The following PDGFD variants were observed in gnomAD, a reference collection of about 807,000 sequenced individuals.
PDGFD encodes the protein platelet derived growth factor D.
PDGFD carries 30 observed loss-of-function variants against 44.7 expected under a neutral mutation model. That is an observed-to-expected ratio of 0.67 (90% CI 0.50 to 0.91). The LOEUF (loss-of-function observed/expected upper bound fraction) is 0.91, where lower values mean the gene tolerates loss of function less well. PDGFD is among the 40% of genes least tolerant of loss of function. PDGFD has a pLI of 0.00. For synonymous variants in PDGFD, 173 were observed against 168.4 expected (o/e 1.03, Z -0.21); for missense variants, 445 against 457.8 (o/e 0.97, Z 0.25).
intron 1 of PDGFD, among the ~76,000 whole-genome samples, chr11:104,050,636 G>A (rs1009701529): frequency 9.2e-5 from 14 of 152,090 alleles, no homozygotes; most frequent in Non-Finnish European, 1.3e-4. Context: ...TGCTCCACTC[G>A]GAAACACCCA....
intron 1 of PDGFD, among the ~76,000 whole-genome samples, chr11:104,020,047 T>G (rs926219116): frequency 6.6e-6 from 1 of 151,872 alleles, no homozygotes; most frequent in Non-Finnish European, 1.5e-5. Context: ...ACAGAAAAAA[T>G]AACACCAATG....
In PDGFD at chr11:104,114,950, G is replaced by T. The variant is rs149604991; in HGVS notation, c.124+48854C>A. Among the ~76,000 whole-genome samples, 1,018 of 150,732 alleles carry T rather than the reference G, an allele frequency of 6.8e-3. 9 individuals are homozygous for T. The highest frequency in any genetic ancestry group is 0.024 in the African/African-American group (968 of 41,068). On this transcript the variant is annotated intron_variant, in intron 1 of 6. Transcript: ENST00000393158. ...GGGAATAGGTGGTGTTTGGTTAAATGAGTAAGTTCTTTAGTGGTGATTTGT... is the reference window on the plus strand; with the variant it reads ...GGGAATAGGTGGTGTTTGGTTAAATTAGTAAGTTCTTTAGTGGTGATTTGT...
chr11:104,090,083 T>A (rs1366930494), intron 1 of PDGFD, among the ~76,000 whole-genome samples: 3 of 152,172 alleles, frequency 2.0e-5, no homozygotes, highest in Non-Finnish European at 4.4e-5. Context: ...TACAGTGACC[T>A]CTCTTCCTCA....
chr11:104,137,588 C>T (rs984985507), intron 1 of PDGFD, among the ~76,000 whole-genome samples: 6 of 152,170 alleles, frequency 3.9e-5, no homozygotes, highest in South Asian at 2.1e-4. Flanking sequence ...ATGTTACGGT[C>T]GAGTTGATAG....
At chr11:104,106,062 C>T (rs1378195711) in intron 1 of PDGFD, among the ~76,000 whole-genome samples, 2 of 152,050 alleles carry the variant, frequency 1.3e-5, no homozygotes, top group Non-Finnish European at 1.5e-5. Context: ...ATTAAACCAG[C>T]ACCACAGGGA....
chr11:103,909,756 C>T lies in PDGFD; in HGVS notation c.1051G>A (p.Asp351Asn). The change falls in exon 7 of 7, where the codon GAC becomes AAC. Residue 351 changes from aspartate (D) to asparagine (N), a missense_variant. Transcript: ENST00000393158. ...RGRAKTMALVDIQLDHHERCD... is the reference protein window; with the variant it reads ...RGRAKTMALVNIQLDHHERCD... ...CGTTCATGGTGATCCAACTGGATGTCAACTAGAGCCATGGTCTTAGCTCTA... is the reference window on the plus strand; with the variant it reads ...CGTTCATGGTGATCCAACTGGATGTTAACTAGAGCCATGGTCTTAGCTCTA... 6.2e-7 allele frequency: 1 copy of T among 1,613,988 alleles called. No homozygotes were observed. The highest frequency in any genetic ancestry group is 8.5e-7 in the Non-Finnish European group (1 of 1,179,870).
chr11:104,159,415 G>A (rs1246513327), intron 1 of PDGFD, among the ~76,000 whole-genome samples: 1 of 152,144 alleles, frequency 6.6e-6, no homozygotes, highest in Non-Finnish European at 1.5e-5. Context: ...ATAAAGGGAA[G>A]GATTTTATTA....
intron 3 of PDGFD, among the ~76,000 whole-genome samples, chr11:103,973,609 G>A (rs1859137345): frequency 1.3e-5 from 2 of 152,092 alleles, no homozygotes; most frequent in Admixed American, 1.3e-4. Flanking sequence ...TCTTTATTGA[G>A]GTTTAACTAT....
intron 1 of PDGFD, among the ~76,000 whole-genome samples, chr11:104,100,384 G>A (rs911414478): frequency 1.8e-4 from 28 of 152,114 alleles, no homozygotes; most frequent in African/African-American, 5.8e-4. Context: ...TAAATTACTC[G>A]ATACATACAC....
At chr11:103,947,597 T>G in intron 4 of PDGFD, 65 bp downstream of exon 4, 2 of 1,287,006 alleles carry the variant, frequency 1.6e-6, no homozygotes, top group Non-Finnish European at 2.3e-6. Context: ...GTGAAGTCCT[T>G]TTGGGGTTGA....
At chr11:104,161,864 A>C (rs1303625425) in intron 1 of PDGFD, among the ~76,000 whole-genome samples, 1 of 152,146 alleles carries the variant, frequency 6.6e-6, no homozygotes, top group Non-Finnish European at 1.5e-5. Flanking sequence ...TTTAATGTGT[A>C]ACTACGTTTT....
chr11:104,108,228 G>C (rs1332760629), intron 1 of PDGFD, among the ~76,000 whole-genome samples: 4 of 149,396 alleles, frequency 2.7e-5, no homozygotes, highest in Non-Finnish European at 4.4e-5. Flanking sequence ...AAACTAAAGA[G>C]CTTCTGCACT....
At chr11:103,925,993 T>A (rs879889722) in intron 6 of PDGFD, among the ~76,000 whole-genome samples, 17 of 152,098 alleles carry the variant, frequency 1.1e-4, no homozygotes, top group South Asian at 8.3e-4. Context: ...CCTCCCAAAG[T>A]GCTAGGATTA....
At chr11:103,910,556 T>G (rs1030822815) in intron 6 of PDGFD, among the ~76,000 whole-genome samples, 1 of 152,154 alleles carries the variant, frequency 6.6e-6, no homozygotes, top group Non-Finnish European at 1.5e-5. Context: ...GGAGGAATGG[T>G]GCACTCTAGT....
intron 1 of PDGFD, among the ~76,000 whole-genome samples, chr11:104,145,152 C>T (rs2119886956): frequency 6.6e-6 from 1 of 152,260 alleles, no homozygotes; most frequent in South Asian, 2.1e-4. Context: ...CCTACAAATA[C>T]ATAGCGAGCA....
At chr11:104,099,640 A>AATG (rs1418380555) in intron 1 of PDGFD, among the ~76,000 whole-genome samples, 1 of 27,550 alleles carries the variant, frequency 3.6e-5, no homozygotes, top group East Asian at 5.0e-4. Context: ...CAAAAACAAT[A>AATG]ATAATAATAA....
At chr11:104,037,383 A>G (rs969265900) in intron 1 of PDGFD, 1 of 1,613,948 alleles carries the variant, frequency 6.2e-7, no homozygotes, top group African/African-American at 1.3e-5. Context: ...TGGAGCAGCA[A>G]AGGGAAAAGG....
At position 104,146,007 on chromosome 11, in the gene PDGFD, C is replaced by T. The variant is rs528704809; in HGVS notation, c.124+17797G>A. Among the ~76,000 whole-genome samples, 6 of 152,280 alleles carry T rather than the reference C, an allele frequency of 3.9e-5. No individual in the cohort carries two copies. The East Asian group carries it at 5.8e-4, about 15-fold the overall frequency. Reference sequence around the variant, plus strand: ...ATTTGCCAACACCTTGAATTTGGACCTTCCAGCCTCCAGGACTATGAGAAA... The same window carrying T: ...ATTTGCCAACACCTTGAATTTGGACTTTCCAGCCTCCAGGACTATGAGAAA... On this transcript the variant is annotated intron_variant, in intron 1 of 6. Coordinates refer to ENST00000393158, the MANE Select transcript of PDGFD (RefSeq NM_025208.5).
chr11:103,970,227 T>A (rs891906755), intron 3 of PDGFD, among the ~76,000 whole-genome samples: 7 of 152,086 alleles, frequency 4.6e-5, no homozygotes, highest in African/African-American at 1.7e-4. Flanking sequence ...AAAAAAATTC[T>A]CTAAATATCA....
Sources: gnomAD v4.1 joint callset for allele counts (sites outside exome capture counted in the v4.1 genomes callset) on GRCh38, gnomAD v4.1.1 for gene constraint, MANE v1.5 for transcripts, NCBI Gene and HGNC (gene_info 2026-07-23, HGNC 2026-07-21) for gene names.